Variants in TOX observed in about 807,000 individuals in gnomAD.
TOX encodes thymocyte selection-associated high mobility group box protein TOX.
A neutral mutation model predicts 53.7 loss-of-function variants in TOX; 11 were observed. The observed-to-expected ratio is 0.20, with a 90% CI of 0.13 to 0.34. The LOEUF is 0.34. Among genes scored for constraint, TOX ranks in the 10% least tolerant of loss-of-function variants. The pLI is 1.00. For missense variants in TOX, 570 were observed against 664.6 expected (o/e 0.86, Z 1.56); for synonymous variants, 225 against 245.3 (o/e 0.92, Z 0.77).
At chr8:59,096,719 C>A (rs983650095) in intron 1 of TOX, among the ~76,000 whole-genome samples, 1 of 152,104 alleles carries the variant, frequency 6.6e-6, no homozygotes, top group Admixed American at 6.6e-5. Context: ...TATGATTCCT[C>A]CAGATTTGTG....
Position 58,851,476 on chromosome 8 carries a change from G to A in TOX, c.693+48C>T. 6.3e-7 allele frequency: 1 copy of A among 1,595,840 alleles called. No homozygotes were observed. The highest frequency in any genetic ancestry group is 2.2e-5 in the East Asian group (1 of 44,636). Reference sequence around the variant, plus strand: ...TTGTACCCAGCACAGGTCAAAGAAGGTGCCTAAGAATAGTCTCCCATAGGT... The same window carrying A: ...TTGTACCCAGCACAGGTCAAAGAAGATGCCTAAGAATAGTCTCCCATAGGT... On this transcript the variant is annotated intron_variant, in intron 4 of 8. Coordinates refer to ENST00000361421, the MANE Select transcript of TOX (RefSeq NM_014729.3). This position sits in a 1 kb window ranked among gnomAD's most constrained non-coding sequence, Gnocchi z 4.4.
chr8:58,871,116 CATGAAAAGACATGGTT>C, intron 3 of TOX, among the ~76,000 whole-genome samples: 1 of 137,188 alleles, frequency 7.3e-6, no homozygotes, highest in Non-Finnish European at 1.5e-5. Flanking sequence ...GCCACCAAGC[CATGAAAAGACATGGTT>C]GAACTTTAAA....
intron 1 of TOX, among the ~76,000 whole-genome samples, chr8:59,027,262 C>T (rs1814261514): frequency 6.6e-6 from 1 of 152,142 alleles, no homozygotes; most frequent in African/African-American, 2.4e-5. Flanking sequence ...AAGCATATAA[C>T]ATCTCCAGCA....
chr8:58,860,321 C>T (rs1298328356), intron 3 of TOX, among the ~76,000 whole-genome samples: 1 of 152,076 alleles, frequency 6.6e-6, no homozygotes, highest in Non-Finnish European at 1.5e-5. Context: ...GGTACCTGGT[C>T]CACAGTGGTG....
At chr8:58,977,539 G>A (rs562147883) in intron 1 of TOX, among the ~76,000 whole-genome samples, 14 of 152,318 alleles carry the variant, frequency 9.2e-5, no homozygotes, top group African/African-American at 3.4e-4. Context: ...CAACCTGGCT[G>A]TTTGGCACAA....
At chr8:59,009,847 C>A (rs562292253) in intron 1 of TOX, among the ~76,000 whole-genome samples, 9 of 152,198 alleles carry the variant, frequency 5.9e-5, no homozygotes, top group Non-Finnish European at 8.8e-5. Flanking sequence ...CATTTAATCT[C>A]ATTTGCAGCA....
At chr8:59,024,589 C>T (rs1814201887) in intron 1 of TOX, among the ~76,000 whole-genome samples, 1 of 152,126 alleles carries the variant, frequency 6.6e-6, no homozygotes, top group Admixed American at 6.6e-5. Context: ...TAGCCAGCAG[C>T]CCTCTTTATA....
chr8:59,082,745 T>C (rs1442525249), intron 1 of TOX, among the ~76,000 whole-genome samples: 4 of 152,204 alleles, frequency 2.6e-5, no homozygotes, highest in Non-Finnish European at 5.9e-5. Context: ...TTGTATGATT[T>C]TTGTCAGCTA....
intron 1 of TOX, among the ~76,000 whole-genome samples, chr8:59,061,679 G>T (rs1803987271): frequency 6.6e-6 from 1 of 151,688 alleles, no homozygotes; most frequent in South Asian, 2.1e-4. Flanking sequence ...CTTGAATAAA[G>T]CCCACTCCTT....
At chr8:58,979,679 A>T (rs1470536612) in intron 1 of TOX, among the ~76,000 whole-genome samples, 1 of 152,236 alleles carries the variant, frequency 6.6e-6, no homozygotes, top group Admixed American at 6.5e-5. Context: ...TCTCATGATG[A>T]TTTTTGTCTT....
At chr8:59,065,526 G>A (rs182276357) in intron 1 of TOX, among the ~76,000 whole-genome samples, 1 of 152,174 alleles carries the variant, frequency 6.6e-6, no homozygotes, top group East Asian at 1.9e-4. Context: ...AAGATTATTG[G>A]CTTATGTGAG....
intron 1 of TOX, among the ~76,000 whole-genome samples, chr8:58,994,424 G>GCA (rs1813520072): frequency 7.0e-6 from 1 of 142,258 alleles, no homozygotes; most frequent in African/African-American, 2.7e-5. Flanking sequence ...GTGTGTGCGC[G>GCA]CGCGCATGTG....
rs1164926507 is a variant in TOX at position 59,117,512 on chromosome 8, G to C, written c.102+1374C>G. ...GGTCTCACACTGGACACAGCATCGAGGAGCTTCTCCACGGGGAAGTGTGTG... is the reference window on the plus strand; with the variant it reads ...GGTCTCACACTGGACACAGCATCGACGAGCTTCTCCACGGGGAAGTGTGTG... On this transcript the variant is annotated intron_variant, in intron 1 of 8. Coordinates refer to ENST00000361421, the MANE Select transcript of TOX (RefSeq NM_014729.3). This position sits in a 1 kb window ranked among gnomAD's most constrained non-coding sequence, Gnocchi z 4.6. 6.6e-6 allele frequency among the ~76,000 whole-genome samples: 1 copy of C among 152,244 alleles called. No homozygotes were observed. The highest frequency in any genetic ancestry group is 6.5e-5 in the Admixed American group (1 of 15,288).
chr8:58,965,165 G>A (rs141725286), intron 1 of TOX, among the ~76,000 whole-genome samples: 2 of 152,076 alleles, frequency 1.3e-5, no homozygotes, highest in Admixed American at 6.5e-5. Flanking sequence ...AAAACCTGAA[G>A]CAAAGTTTGA....
chr8:58,977,240 T>C (rs1000970717), intron 1 of TOX, among the ~76,000 whole-genome samples: 2 of 152,270 alleles, frequency 1.3e-5, no homozygotes, highest in African/African-American at 2.4e-5. Context: ...TTTTATGTTA[T>C]GAAAATAACT....
chr8:58,923,654 G>A (rs1230026316), intron 3 of TOX, among the ~76,000 whole-genome samples: 1 of 152,112 alleles, frequency 6.6e-6, no homozygotes, highest in Non-Finnish European at 1.5e-5. Context: ...GCTTTAAACT[G>A]TTGCATGATT....
At chr8:59,037,493 T>G (rs974229343) in intron 1 of TOX, among the ~76,000 whole-genome samples, 31 of 152,156 alleles carry the variant, frequency 2.0e-4, no homozygotes, top group Non-Finnish European at 1.8e-4. Context: ...CTGCTTTTTC[T>G]CCTCTTTGGG....
At chr8:59,103,141 G>C (rs1331780423) in intron 1 of TOX, among the ~76,000 whole-genome samples, 1 of 152,040 alleles carries the variant, frequency 6.6e-6, no homozygotes, top group African/African-American at 2.4e-5. Context: ...ACGTAGGTCG[G>C]CCTGGGGCAC....
intron 1 of TOX, among the ~76,000 whole-genome samples, chr8:59,093,598 C>T (rs1266942748): frequency 6.6e-6 from 1 of 152,122 alleles, no homozygotes; most frequent in Non-Finnish European, 1.5e-5. Context: ...TGGGGGAATA[C>T]CTGTGTAGAA....
Sources: gnomAD v4.1 joint callset for allele counts (sites outside exome capture counted in the v4.1 genomes callset) on GRCh38, gnomAD v4.1.1 for gene constraint, Gnocchi (gnomAD v3.1) non-coding constraint, MANE v1.5 for transcripts, NCBI Gene and HGNC (gene_info 2026-07-23, HGNC 2026-07-21) for gene names.